Variants in ASIC2 observed in about 807,000 individuals in gnomAD.
ASIC2 encodes the protein acid sensing ion channel subunit 2, also known as acid-sensing ion channel 2.
ASIC2 carries 25 observed loss-of-function variants against 57.3 expected under a neutral mutation model. The observed-to-expected ratio is 0.44, with a 90% CI of 0.32 to 0.61. The LOEUF is 0.61. Among genes scored for constraint, ASIC2 ranks in the 20% least tolerant of loss-of-function variants. ASIC2 has a pLI of 0.06. For missense variants in ASIC2, 641 were observed against 738.1 expected (o/e 0.87, Z 1.52); for synonymous variants, 319 against 307.5 (o/e 1.04, Z -0.39).
chr17:33,336,190 G>C (rs1313976277), intron 1 of ASIC2, among the ~76,000 whole-genome samples: 1 of 151,984 alleles, frequency 6.6e-6, no homozygotes, highest in Admixed American at 6.6e-5. Context: ...ACTTTAAAAG[G>C]GGGTTTAGAC....
intron 1 of ASIC2, among the ~76,000 whole-genome samples, chr17:33,387,151 G>C (rs1290938704): frequency 6.6e-6 from 1 of 152,142 alleles, no homozygotes; most frequent in Non-Finnish European, 1.5e-5. Context: ...GCCTCCCAAA[G>C]TGCTGGAATT....
chr17:33,726,839 A>G (rs1273136947), intron 1 of ASIC2, among the ~76,000 whole-genome samples: 2 of 152,204 alleles, frequency 1.3e-5, no homozygotes, highest in South Asian at 2.1e-4. Context: ...CCTCCTTCTG[A>G]TCTGATTATA....
intron 1 of ASIC2, among the ~76,000 whole-genome samples, chr17:33,360,205 C>T (rs12450971): frequency 0.17 from 26,497 of 152,084 alleles, 3,005 homozygotes; most frequent in East Asian, 0.49. Flanking sequence ...GGATAAGGCT[C>T]ATGCTGGTAT....
At chr17:33,203,516 C>T (rs1445474738) in intron 1 of ASIC2, among the ~76,000 whole-genome samples, 4 of 152,216 alleles carry the variant, frequency 2.6e-5, no homozygotes, top group African/African-American at 9.6e-5. Context: ...CTTCCTCCAG[C>T]ACTTCTGTCC....
chr17:33,579,005 G>A (rs34015074), intron 1 of ASIC2, among the ~76,000 whole-genome samples: 14,212 of 152,118 alleles, frequency 0.093, 1,369 homozygotes, highest in African/African-American at 0.24. Flanking sequence ...CAGGTTAATG[G>A]TCAGGTGCGC....
intron 1 of ASIC2, among the ~76,000 whole-genome samples, chr17:34,120,713 G>A (rs1911586550): frequency 7.0e-6 from 1 of 143,802 alleles, no homozygotes; most frequent in South Asian, 2.3e-4. Flanking sequence ...CAAAATGACT[G>A]GGGTCCTTCT....
intron 1 of ASIC2, among the ~76,000 whole-genome samples, chr17:33,579,580 C>A (rs912675723): frequency 6.6e-6 from 1 of 152,134 alleles, no homozygotes; most frequent in African/African-American, 2.4e-5. Context: ...GTGAGTGTTA[C>A]AGCTCTTAAA....
chr17:33,313,094 G>A (rs960978107), intron 1 of ASIC2, among the ~76,000 whole-genome samples: 3 of 152,072 alleles, frequency 2.0e-5, no homozygotes, highest in African/African-American at 7.2e-5. Context: ...GATTCCTTGA[G>A]CCCAAGAGTT....
At chr17:33,571,366 C>T (rs35068270) in intron 1 of ASIC2, among the ~76,000 whole-genome samples, 27,588 of 152,142 alleles carry the variant, frequency 0.18, 2,827 homozygotes, top group Non-Finnish European at 0.23. Flanking sequence ...CTGTTTTCCA[C>T]CAAAACAACA....
chr17:33,703,447 G>A (rs1475403000), intron 1 of ASIC2, among the ~76,000 whole-genome samples: 1 of 151,826 alleles, frequency 6.6e-6, no homozygotes, highest in Non-Finnish European at 1.5e-5. Context: ...CTGCCTCCTG[G>A]GCTCAAGTGA....
At chr17:33,084,767 G>A (rs2092128356) in intron 3 of ASIC2, among the ~76,000 whole-genome samples, 1 of 152,116 alleles carries the variant, frequency 6.6e-6, no homozygotes, top group Admixed American at 6.5e-5. Flanking sequence ...CCCGCTGCCT[G>A]TCTCTGGTGG....
intron 1 of ASIC2, among the ~76,000 whole-genome samples, chr17:34,029,293 T>C (rs1907496343): frequency 6.7e-6 from 1 of 149,636 alleles, no homozygotes; most frequent in Non-Finnish European, 1.5e-5. Flanking sequence ...TCATCCAGTG[T>C]CAAGAAATGT....
intron 1 of ASIC2, among the ~76,000 whole-genome samples, chr17:33,444,055 G>A (rs528670843): frequency 6.6e-5 from 10 of 152,260 alleles, no homozygotes; most frequent in Non-Finnish European, 1.2e-4. Flanking sequence ...GACTCCCTCT[G>A]TTCTTACCTG....
At chr17:33,291,206 G>A (rs1479464958) in intron 1 of ASIC2, 23 of 1,184,390 alleles carry the variant, frequency 1.9e-5, no homozygotes, top group South Asian at 1.2e-4. Flanking sequence ...GGTGGGAGGC[G>A]ACTCCTCCTA....
intron 1 of ASIC2, among the ~76,000 whole-genome samples, chr17:33,882,914 G>T (rs1311552528): frequency 2.0e-5 from 3 of 152,174 alleles, no homozygotes; most frequent in African/African-American, 7.2e-5. Context: ...ATACACCATG[G>T]AATACTATGC....
intron 1 of ASIC2, among the ~76,000 whole-genome samples, chr17:33,677,760 G>A (rs180783346): frequency 1.3e-5 from 2 of 152,316 alleles, no homozygotes; most frequent in Non-Finnish European, 2.9e-5. Flanking sequence ...GATGAAGTTC[G>A]AAGTAAGAGT....
chr17:33,658,425 G>T (rs913825109), intron 1 of ASIC2, among the ~76,000 whole-genome samples: 7 of 152,196 alleles, frequency 4.6e-5, no homozygotes, highest in Admixed American at 6.5e-5. Context: ...TGCACCTAAG[G>T]CAGCAGTTTG....
chr17:34,116,744 T>C (rs965491388), intron 1 of ASIC2, among the ~76,000 whole-genome samples: 3 of 152,168 alleles, frequency 2.0e-5, no homozygotes, highest in African/African-American at 7.2e-5. Flanking sequence ...AAGGGTAGCA[T>C]TTCCCATGGC....
At chr17:33,038,856 G>T (rs1026273647) in intron 3 of ASIC2, among the ~76,000 whole-genome samples, 1 of 148,066 alleles carries the variant, frequency 6.8e-6, no homozygotes, top group East Asian at 2.0e-4. Flanking sequence ...CACACCAGTA[G>T]GTGGCGCTGC....
Sources: gnomAD v4.1 joint callset for allele counts (sites outside exome capture counted in the v4.1 genomes callset) on GRCh38, gnomAD v4.1.1 for gene constraint, MANE v1.5 for transcripts, NCBI Gene and HGNC (gene_info 2026-07-23, HGNC 2026-07-21) for gene names.